Variants in PPFIBP1 observed in about 807,000 individuals in gnomAD.
PPFIBP1 encodes the protein PPFIB scaffold protein 1.
A neutral mutation model predicts 137.8 loss-of-function variants in PPFIBP1; 112 were observed. The observed-to-expected ratio is 0.81, with a 90% CI of 0.70 to 0.95. The LOEUF (loss-of-function observed/expected upper bound fraction) is 0.95. PPFIBP1 is among the 40% of genes least tolerant of loss of function. The pLI is 0.00. For synonymous variants in PPFIBP1, 378 were observed against 417.3 expected (o/e 0.91, Z 1.15); for missense variants, 1,083 against 1,196.6 (o/e 0.91, Z 1.40).
At chr12:27,601,221 C>T (rs1258246380) in intron 2 of PPFIBP1, among the ~76,000 whole-genome samples, 3 of 152,176 alleles carry the variant, frequency 2.0e-5, no homozygotes, top group Admixed American at 2.0e-4. Flanking sequence ...TGATGCTCCT[C>T]AGAAAGAAGG....
Position 27,692,626 on chromosome 12 carries a change from T to C in PPFIBP1, c.2901T>C (p.Gly967=). The C allele has an allele frequency of 1.2e-6, 2 of 1,614,076 alleles. No individual in the cohort carries two copies. Among genetic ancestry groups the C allele is most frequent in the Non-Finnish European group, 1.7e-6 (2 of 1,179,992 alleles). ...CAGAAGGGACAGTGAGACAGATAGG[T>C]GCATTCTCTGAAGGCATCAACAATC... The part of the protein sequence containing the change: ...EDSEGTVRQI[G]AFSEGINNLT... Residue 967 remains glycine (G), a synonymous_variant, in exon 29 of 30, where the codon GGT becomes GGC. Transcript: ENST00000228425.
At chr12:27,593,870 A>T (rs2052846389) in intron 2 of PPFIBP1, 2 of 1,452,032 alleles carry the variant, frequency 1.4e-6, no homozygotes, top group South Asian at 3.1e-5. Flanking sequence ...TGCCCCTTGG[A>T]TGGGAGGGAG....
chr12:27,585,345 C>CTGGAAAA (rs2051608300), intron 2 of PPFIBP1, among the ~76,000 whole-genome samples: 2 of 152,314 alleles, frequency 1.3e-5, no homozygotes, highest in South Asian at 2.1e-4. Context: ...TGAGCTTTTC[C>CTGGAAAA]ACTCAGGAAA....
chr12:27,674,053 G>A (rs1007623935), intron 16 of PPFIBP1, 139 bp from the exon 17 acceptor site: 46 of 848,612 alleles, frequency 5.4e-5, no homozygotes, highest in Non-Finnish European at 8.0e-5. Flanking sequence ...AAAACATTTT[G>A]GAAAATAAAC....
chr12:27,597,044 G>C (rs2053394374), intron 2 of PPFIBP1, among the ~76,000 whole-genome samples: 1 of 152,200 alleles, frequency 6.6e-6, no homozygotes, highest in African/African-American at 2.4e-5. Flanking sequence ...TTTCTTGGAA[G>C]AAAATCCGTT....
intron 1 of PPFIBP1, among the ~76,000 whole-genome samples, chr12:27,573,250 A>G (rs1005962632): frequency 2.6e-5 from 4 of 152,240 alleles, no homozygotes; most frequent in Admixed American, 6.5e-5. Flanking sequence ...GTGAACATTA[A>G]TACATGATTA....
chr12:27,593,778 A>G, intron 2 of PPFIBP1: 1 of 815,542 alleles, frequency 1.2e-6, no homozygotes, highest in Non-Finnish European at 1.9e-6. Flanking sequence ...GGCCAGGAAG[A>G]TGTTCAGTTT....
At chr12:27,655,332 C>A in intron 8 of PPFIBP1, 1 of 838,712 alleles carries the variant, frequency 1.2e-6, no homozygotes, top group Non-Finnish European at 1.9e-6. Flanking sequence ...TGCATTCATT[C>A]TGTGTGTGTG....
chr12:27,578,979 C>A lies in PPFIBP1; in HGVS notation c.-36+740C>A, dbSNP rs186377428. 3.6e-3 allele frequency among the ~76,000 whole-genome samples: 547 copies of A among 152,306 alleles called. 4 individuals are homozygous for A. The highest frequency in any genetic ancestry group is 4.5e-3 in the Non-Finnish European group (304 of 68,036). ...TCTGACTTTCTCTGATTTGCCATAT[C>A]CTAAAGCGTGCTTAGATGCTTTTCC... On this transcript the variant is annotated intron_variant, in intron 2 of 29. Coordinates refer to ENST00000228425, the MANE Select transcript of PPFIBP1 (RefSeq NM_003622.4).
intron 2 of PPFIBP1, among the ~76,000 whole-genome samples, chr12:27,614,260 T>C (rs1332038795): frequency 6.6e-6 from 1 of 152,160 alleles, no homozygotes; most frequent in Non-Finnish European, 1.5e-5. Flanking sequence ...ATACCTGTGA[T>C]TCCAGCTACT....
At chr12:27,604,193 C>T (rs1337533427) in intron 2 of PPFIBP1, among the ~76,000 whole-genome samples, 2 of 152,078 alleles carry the variant, frequency 1.3e-5, no homozygotes, top group Admixed American at 6.5e-5. Flanking sequence ...TCCAGACTAA[C>T]CCAGTTGGAG....
Position 27,640,274 on chromosome 12 carries a change from G to C in PPFIBP1, c.270+5159G>C, listed in dbSNP as rs138951250. Among the ~76,000 whole-genome samples, 486 of 152,256 alleles carry C rather than the reference G, an allele frequency of 3.2e-3. 1 individual carries two copies. The highest frequency in any genetic ancestry group is 4.8e-3 in the Admixed American group (73 of 15,292). On this transcript the variant is annotated intron_variant, in intron 4 of 29. Transcript: ENST00000228425. ...GGTTTCCCTGTTCCTTTGGGAAAGTGAGTTAAGAAAGAAAATGTGACAAGA... is the reference window on the plus strand; with the variant it reads ...GGTTTCCCTGTTCCTTTGGGAAAGTCAGTTAAGAAAGAAAATGTGACAAGA...
chr12:27,594,108 A>T, intron 2 of PPFIBP1: 1 of 969,690 alleles, frequency 1.0e-6, no homozygotes, highest in Non-Finnish European at 1.4e-6. Context: ...AAAAAGAAAA[A>T]GTAGGTGGGA....
intron 12 of PPFIBP1, 120 bp downstream of exon 12, chr12:27,664,566 TC>T: frequency 1.4e-6 from 1 of 693,220 alleles, no homozygotes; most frequent in Non-Finnish European, 2.6e-6. Flanking sequence ...GGTAGCTAAT[TC>T]GTTAATTGAA....
chr12:27,524,928 C>G (rs190199444), intron 1 of PPFIBP1, among the ~76,000 whole-genome samples: 6 of 152,148 alleles, frequency 3.9e-5, no homozygotes, highest in Admixed American at 3.3e-4. Context: ...TGCGGGAAAA[C>G]TCGTCTCTTG....
At chr12:27,629,025 T>C (rs1355237232) in intron 2 of PPFIBP1, among the ~76,000 whole-genome samples, 1 of 152,196 alleles carries the variant, frequency 6.6e-6, no homozygotes, top group Admixed American at 6.5e-5. Flanking sequence ...TCTAGCATTT[T>C]CAGACCACCA....
chr12:27,682,936 GC>G (rs146464276), intron 24 of PPFIBP1, among the ~76,000 whole-genome samples: 1,766 of 152,238 alleles, frequency 0.012, 36 homozygotes, highest in African/African-American at 0.038. Context: ...GCTAAGTGAA[GC>G]CTAATTTAAA....
rs897116737 is a variant in PPFIBP1 at position 27,693,636 on chromosome 12, A to G, written c.*754A>G. The G allele has an allele frequency of 1.1e-4, 16 of 152,260 alleles. No individual in the cohort carries two copies. The highest frequency in any genetic ancestry group is 3.9e-4 in the East Asian group (2 of 5,180). The allele number at this position is 152,260 out of a possible 1,614,324, so 9.4% of individuals were successfully genotyped here. ...ATTGTTGAACAGTTTAAGAATTTCA[A>G]CCTTAATCTTGGATCCCTTTACCTC... is the stretch of plus-strand genomic sequence containing the variant. On this transcript the variant is annotated 3_prime_UTR_variant, in exon 30 of 30. Transcript: ENST00000228425.
At chr12:27,639,813 A>G (rs563659130) in intron 4 of PPFIBP1, among the ~76,000 whole-genome samples, 2 of 152,216 alleles carry the variant, frequency 1.3e-5, no homozygotes, top group African/African-American at 4.8e-5. Flanking sequence ...AAAAATACTC[A>G]TAACTTAAAA....
Sources: allele counts gnomAD v4.1 joint callset (sites outside exome capture counted in the v4.1 genomes callset), GRCh38; gene constraint gnomAD v4.1.1; transcripts MANE v1.5; gene names NCBI Gene and HGNC (gene_info 2026-07-23, HGNC 2026-07-21).